The following ZHX2 variants were observed in gnomAD, a reference collection of about 807,000 sequenced individuals.
ZHX2 encodes zinc fingers and homeoboxes 2, also known as zinc fingers and homeoboxes protein 2.
ZHX2 carries 6 observed loss-of-function variants against 21.9 expected under a neutral mutation model. The observed-to-expected ratio is 0.27, with a 90% CI of 0.15 to 0.54. The LOEUF is 0.54. ZHX2 is among the 20% of genes least tolerant of loss of function. The pLI is 0.95. For synonymous variants in ZHX2, 434 were observed against 437.1 expected (o/e 0.99, Z 0.09); for missense variants, 908 against 1,090.7 (o/e 0.83, Z 2.36).
chr8:122,893,159 A>G (rs1820022018), intron 2 of ZHX2, among the ~76,000 whole-genome samples: 1 of 152,208 alleles, frequency 6.6e-6, no homozygotes, highest in African/African-American at 2.4e-5. Context: ...ACATAATCTC[A>G]TTCTCTCCTG....
intron 1 of ZHX2, among the ~76,000 whole-genome samples, chr8:122,848,541 G>A (rs1818807245): frequency 6.6e-6 from 1 of 152,112 alleles, no homozygotes. Context: ...CTGAGAAGTC[G>A]GTTTTGTGTG....
chr8:122,938,060 C>G (rs1179583641), intron 2 of ZHX2, among the ~76,000 whole-genome samples: 2 of 151,500 alleles, frequency 1.3e-5, no homozygotes, highest in Admixed American at 6.6e-5. Context: ...CTCAGCCTCC[C>G]AAGTAGCTGG....
At chr8:122,801,597 A>C (rs945983721) in intron 1 of ZHX2, among the ~76,000 whole-genome samples, 2 of 151,982 alleles carry the variant, frequency 1.3e-5, no homozygotes, top group African/African-American at 4.8e-5. Context: ...AAAAAAAAAA[A>C]AAAAATTGCC....
chr8:122,896,346 C>A (rs536204352), intron 2 of ZHX2, among the ~76,000 whole-genome samples: 14 of 151,744 alleles, frequency 9.2e-5, no homozygotes, highest in African/African-American at 3.4e-4. Context: ...CAAAGCAATA[C>A]GTATTTCATG....
intron 1 of ZHX2, among the ~76,000 whole-genome samples, chr8:122,844,754 TCA>T (rs1336256725): frequency 6.6e-6 from 1 of 152,198 alleles, no homozygotes; most frequent in Non-Finnish European, 1.5e-5. Flanking sequence ...TCTGTCTGTC[TCA>T]CACACACACT....
intron 2 of ZHX2, among the ~76,000 whole-genome samples, chr8:122,892,122 T>C (rs1314217602): frequency 6.6e-6 from 1 of 152,230 alleles, no homozygotes; most frequent in East Asian, 1.9e-4. Context: ...AGTGCATATA[T>C]ATTTACAATC....
At chr8:122,940,798 G>A (rs949110899) in intron 2 of ZHX2, among the ~76,000 whole-genome samples, 3 of 152,152 alleles carry the variant, frequency 2.0e-5, no homozygotes, top group African/African-American at 2.4e-5. Flanking sequence ...GTGTCATAGG[G>A]ATCAAGCAGC....
At chr8:122,939,958 A>T in intron 2 of ZHX2, among the ~76,000 whole-genome samples, 1 of 152,170 alleles carries the variant, frequency 6.6e-6, no homozygotes, top group East Asian at 1.9e-4. Context: ...TTATCCTGTG[A>T]TTAGTCCCAG....
intron 2 of ZHX2, among the ~76,000 whole-genome samples, chr8:122,910,279 T>G (rs1332833494): frequency 6.6e-6 from 1 of 152,170 alleles, no homozygotes; most frequent in Admixed American, 6.5e-5. Context: ...GTCTCGGCAT[T>G]ATCTTGGTTT....
intron 3 of ZHX2, among the ~76,000 whole-genome samples, chr8:122,959,904 G>T (rs984264269): frequency 6.6e-6 from 1 of 152,144 alleles, no homozygotes; most frequent in Admixed American, 6.5e-5. Flanking sequence ...TGGAGGCTTA[G>T]CCACCATGAA....
intron 1 of ZHX2, among the ~76,000 whole-genome samples, chr8:122,808,453 T>C (rs1455460865): frequency 6.6e-6 from 1 of 152,118 alleles, no homozygotes; most frequent in Non-Finnish European, 1.5e-5. Context: ...AAAAGCCCCT[T>C]ATAAAACCAT....
chr8:122,875,116 A>C (rs1819530700), intron 2 of ZHX2, among the ~76,000 whole-genome samples: 3 of 90,946 alleles, frequency 3.3e-5, no homozygotes, highest in South Asian at 3.8e-4. Context: ...CTTTTAGAGG[A>C]AGGAAAACTC....
chr8:122,824,574 T>C (rs1818222667), intron 1 of ZHX2, among the ~76,000 whole-genome samples: 1 of 152,212 alleles, frequency 6.6e-6, no homozygotes, highest in Non-Finnish European at 1.5e-5. Context: ...GTACCTTAGA[T>C]ATCATCCAGC....
chr8:122,927,265 C>T (rs1649393743), intron 2 of ZHX2, among the ~76,000 whole-genome samples: 1 of 152,270 alleles, frequency 6.6e-6, no homozygotes, highest in Middle Eastern at 3.4e-3. Flanking sequence ...GAGGTTGATG[C>T]AGGCAGATCA....
At chr8:122,970,953 A>C (rs1276364745) in intron 3 of ZHX2, among the ~76,000 whole-genome samples, 1 of 152,212 alleles carries the variant, frequency 6.6e-6, no homozygotes, top group African/African-American at 2.4e-5. Context: ...CTGGACCCAA[A>C]ATAGGTACAG....
chr8:122,873,191 A>C (rs1211313072), intron 2 of ZHX2, among the ~76,000 whole-genome samples: 1 of 152,198 alleles, frequency 6.6e-6, no homozygotes, highest in Non-Finnish European at 1.5e-5. Context: ...AGTCGTTAAG[A>C]AAAAGGAGTG....
chr8:122,883,024 G>T (rs1819752126), intron 2 of ZHX2, among the ~76,000 whole-genome samples: 1 of 151,960 alleles, frequency 6.6e-6, no homozygotes, highest in African/African-American at 2.4e-5. Context: ...CACTCCCAGA[G>T]ATTGTAACCA....
intron 1 of ZHX2, among the ~76,000 whole-genome samples, chr8:122,834,188 G>GC (rs1371037137): frequency 6.6e-6 from 1 of 152,206 alleles, no homozygotes; most frequent in African/African-American, 2.4e-5. Flanking sequence ...CGGCCCACCT[G>GC]CCACCATCAG....
At chr8:122,872,896 G>A (rs929424167) in intron 2 of ZHX2, among the ~76,000 whole-genome samples, 7 of 152,116 alleles carry the variant, frequency 4.6e-5, no homozygotes, top group African/African-American at 1.4e-4. Flanking sequence ...TTCCCCCACC[G>A]ACAGCCAGCA....
Sources: gnomAD v4.1 joint callset for allele counts (sites outside exome capture counted in the v4.1 genomes callset) on GRCh38, gnomAD v4.1.1 for gene constraint, MANE v1.5 for transcripts, NCBI Gene and HGNC (gene_info 2026-07-23, HGNC 2026-07-21) for gene names.